Variants in NEK5 observed in about 807,000 individuals in gnomAD.
NEK5 encodes NIMA related kinase 5.
A neutral mutation model predicts 109.2 loss-of-function variants in NEK5; 88 were observed. The observed-to-expected ratio is 0.81, with a 90% CI of 0.68 to 0.96. The LOEUF (loss-of-function observed/expected upper bound fraction) is 0.96. Among genes scored for constraint, NEK5 ranks in the 40% least tolerant of loss-of-function variants. NEK5 has a pLI of 0.00. For missense variants in NEK5, 834 were observed against 920.7 expected, an observed-to-expected ratio of 0.91 and a Z score of 1.22; for synonymous variants, 283 against 299.9, an observed-to-expected ratio of 0.94 and a Z score of 0.58.
At chr13:52,098,168 T>C (rs1165109065) in intron 12 of NEK5, among the ~76,000 whole-genome samples, 8 of 152,032 alleles carry the variant, frequency 5.3e-5, no homozygotes, top group African/African-American at 1.7e-4. Context: ...CAGTTCTTTA[T>C]AGTAGTATGA....
intron 3 of NEK5, among the ~76,000 whole-genome samples, chr13:52,126,593 C>T (rs1340601099): frequency 1.3e-5 from 2 of 152,242 alleles, no homozygotes; most frequent in South Asian, 2.1e-4. Flanking sequence ...GCCTGGGCAA[C>T]ATGGTGAAAC....
chr13:52,036,813 T>C lies in NEK5; in HGVS notation c.*135A>G. ...GGCTATATTCAAAAGTTCTACTTCC[T>C]AAATTGAAAGAAAAATTAATAAATC... On this transcript the variant is annotated 3_prime_UTR_variant, in exon 24 of 24. Coordinates refer to ENST00000684899, the MANE Select transcript of NEK5 (RefSeq NM_001365552.1). 1 of 302,044 alleles carries C rather than the reference T, an allele frequency of 3.3e-6. No individual in the cohort carries two copies. The highest frequency in any genetic ancestry group is 4.9e-6 in the Non-Finnish European group (1 of 205,366). The allele number at this position is 302,044 out of a possible 1,614,324, so 18.7% of individuals were successfully genotyped here.
At chr13:52,042,285 G>T (rs1350801845) in intron 23 of NEK5, among the ~76,000 whole-genome samples, 1 of 151,426 alleles carries the variant, frequency 6.6e-6, no homozygotes, top group African/African-American at 2.4e-5. Context: ...AAATCAGAGG[G>T]AAAGCACGGG....
At position 52,035,306 on chromosome 13, in the gene NEK5, T is replaced by C. The variant is rs1442671807; in HGVS notation, c.*1642A>G. 4 of 152,170 alleles carry C rather than the reference T, an allele frequency of 2.6e-5. 1 individual carries two copies. The South Asian group carries it at 6.2e-4, about 24-fold the overall frequency. The allele number at this position is 152,170 out of a possible 1,614,324, so 9.4% of individuals were successfully genotyped here. On this transcript the variant is annotated 3_prime_UTR_variant, in exon 24 of 24. Coordinates refer to ENST00000684899, the MANE Select transcript of NEK5 (RefSeq NM_001365552.1). ...CTCCTAAGACTTGCATTCTCCACAT[T>C]TAATGAAAATTATATGAAATGTAAA...
intron 17 of NEK5, among the ~76,000 whole-genome samples, chr13:52,079,371 T>C (rs2137835672): frequency 6.7e-6 from 1 of 148,480 alleles, no homozygotes; most frequent in African/African-American, 2.5e-5. Flanking sequence ...ACTGTACTGC[T>C]GCCATCTCGG....
chr13:52,082,374 A>G (rs1955032757), intron 17 of NEK5: 1 of 1,179,418 alleles, frequency 8.5e-7, no homozygotes, highest in Non-Finnish European at 1.1e-6. Flanking sequence ...TCTTCTTACT[A>G]AGCAAAAATA....
chr13:52,062,990 C>T (rs1954625949), intron 21 of NEK5, among the ~76,000 whole-genome samples: 1 of 152,198 alleles, frequency 6.6e-6, no homozygotes, highest in East Asian at 1.9e-4. Flanking sequence ...TTACTGTGCT[C>T]AGCAGTAATA....
rs1230588382 is a variant in NEK5, at chr13:52,061,816, T to C, written c.2110+3A>G. ...GTTATGTTGTTAAAAATAAACTACA[T>C]ACCAAATTCTTCATCGGCAGAAAAT... On this transcript the variant is annotated splice_donor_region_variant and intron_variant, in intron 22 of 23. Transcript: ENST00000684899. 6 of 984,870 alleles carry C rather than the reference T, an allele frequency of 6.1e-6. No homozygotes were observed. The highest frequency in any genetic ancestry group is 7.2e-6 in the Non-Finnish European group (6 of 829,160). 61.0% of individuals were successfully genotyped at this position (984,870 alleles called of 1,614,324 possible).
intron 4 of NEK5, among the ~76,000 whole-genome samples, chr13:52,113,491 C>G (rs1955795042): frequency 1.3e-5 from 2 of 152,054 alleles, no homozygotes; most frequent in Admixed American, 6.6e-5. Flanking sequence ...AACCATTGAC[C>G]TAAATGTTGA....
intron 22 of NEK5, among the ~76,000 whole-genome samples, chr13:52,054,834 C>A (rs1566732787): frequency 2.0e-5 from 3 of 152,158 alleles, no homozygotes; most frequent in African/African-American, 4.8e-5. Context: ...GTAGATAAAA[C>A]CACAAAGATG....
chr13:52,124,442 A>C (rs1410454331), intron 3 of NEK5, among the ~76,000 whole-genome samples: 1 of 152,234 alleles, frequency 6.6e-6, no homozygotes, highest in Non-Finnish European at 1.5e-5. Context: ...CTATTTTCTC[A>C]AACATTGCAA....
intron 8 of NEK5, among the ~76,000 whole-genome samples, chr13:52,105,110 C>CAA (rs1276830114): frequency 6.6e-6 from 1 of 151,956 alleles, no homozygotes; most frequent in Non-Finnish European, 1.5e-5. Context: ...TTTTATAGAA[C>CAA]AAAAAGCACA....
In NEK5 at chr13:52,118,477, CAT is replaced by C. The variant is rs144402151; in HGVS notation, c.214+840_214+841del. Among the ~76,000 whole-genome samples, 720 of 152,276 alleles carry C rather than the reference CAT, an allele frequency of 4.7e-3. 5 individuals carry two copies. Among genetic ancestry groups the C allele is most frequent in the African/African-American group, 0.016 (649 of 41,564 alleles). ...TCCTGACACCTAGAACAATGCCTGGCATAGAGTAAGCACTCAATAAGTATCAG... is the reference window on the plus strand; with the variant it reads ...TCCTGACACCTAGAACAATGCCTGGCAGAGTAAGCACTCAATAAGTATCAG... On this transcript the variant is annotated intron_variant, in intron 4 of 23. Transcript: ENST00000684899.
chr13:52,102,165 T>A lies in NEK5; in HGVS notation c.737A>T (p.Asp246Val), dbSNP rs1478957137. 1 of 1,613,772 alleles carries A rather than the reference T, an allele frequency of 6.2e-7. No individual in the cohort carries two copies. Among genetic ancestry groups the A allele is most frequent in the Non-Finnish European group, 8.5e-7 (1 of 1,179,904 alleles). Residue 246 changes from aspartate (D) to valine (V), a missense_variant, in exon 10 of 24, where the codon GAC (aspartate) becomes GTC (valine). By Grantham distance (152) the Asp-to-Val change is radical. Around this residue, in one of 2 missense-constraint regions of NEK5, gnomAD observed 777 missense variants for 824.7 expected, o/e 0.94. Transcript: ENST00000684899. ...CAAAATGGAATTTATGGATGGTCGGTCTCGAGGAGATACTTGAAAGAGCTG... is the reference window on the plus strand; with the variant it reads ...CAAAATGGAATTTATGGATGGTCGGACTCGAGGAGATACTTGAAAGAGCTG... ...ISQLFQVSPR[D>V]RPSINSILKR...
chr13:52,047,614 G>A (rs1449185580), intron 23 of NEK5, among the ~76,000 whole-genome samples: 1 of 152,160 alleles, frequency 6.6e-6, no homozygotes, highest in Non-Finnish European at 1.5e-5. Flanking sequence ...GCCCAGGTGG[G>A]AGGATCACTT....
At chr13:52,056,378 G>C (rs549820675) in intron 22 of NEK5, among the ~76,000 whole-genome samples, 1 of 151,782 alleles carries the variant, frequency 6.6e-6, no homozygotes, top group Admixed American at 6.6e-5. Context: ...GTCAACATTA[G>C]ACAGATCAAC....
intron 4 of NEK5, among the ~76,000 whole-genome samples, chr13:52,114,136 T>C (rs1055614653): frequency 1.3e-5 from 2 of 152,238 alleles, no homozygotes; most frequent in Non-Finnish European, 2.9e-5. Flanking sequence ...GAAGGATTTC[T>C]ACTCACTTGT....
At chr13:52,091,012 C>A (rs920290114) in intron 13 of NEK5, among the ~76,000 whole-genome samples, 2 of 151,054 alleles carry the variant, frequency 1.3e-5, no homozygotes, top group Non-Finnish European at 1.5e-5. Context: ...GGCGACAGAG[C>A]GAGACTCTGT....
At chr13:52,122,398 CATTTT>C (rs897609843) in intron 3 of NEK5, among the ~76,000 whole-genome samples, 6 of 152,114 alleles carry the variant, frequency 3.9e-5, no homozygotes, top group Admixed American at 2.6e-4. Context: ...TAAATGACAA[CATTTT>C]ATTATATAAA....
Sources: allele counts gnomAD v4.1 joint callset (sites outside exome capture counted in the v4.1 genomes callset), GRCh38; gene constraint gnomAD v4.1.1; regional missense constraint gnomAD v4.1.1; transcripts MANE v1.5; gene names NCBI Gene and HGNC (gene_info 2026-07-23, HGNC 2026-07-21).